The following RBPJ variants were observed in gnomAD, a reference collection of about 807,000 sequenced individuals.
The protein encoded by RBPJ is recombination signal binding protein for immunoglobulin kappa J region, also known as recombining binding protein suppressor of hairless.
RBPJ carries 9 observed loss-of-function variants against 67.8 expected under a neutral mutation model. The ratio of observed to expected loss-of-function variants is 0.13; its 90% CI spans 0.08 to 0.23. The LOEUF is 0.23. RBPJ is among the 10% of genes least tolerant of loss of function. The pLI, the probability that RBPJ is intolerant of heterozygous loss-of-function variation, is 1.00. For missense variants in RBPJ, 305 were observed against 595.6 expected (o/e 0.51, Z 5.08); for synonymous variants, 198 against 203.3 (o/e 0.97, Z 0.22).
intron 1 of RBPJ, among the ~76,000 whole-genome samples, chr4:26,335,745 T>C (rs1461890592): frequency 6.6e-6 from 1 of 150,952 alleles, no homozygotes; most frequent in Non-Finnish European, 1.5e-5. Context: ...CTCAGCCTCC[T>C]GAGTAGCTGG....
At chr4:26,273,154 T>C (rs1720967961) in intron 1 of RBPJ, among the ~76,000 whole-genome samples, 1 of 152,166 alleles carries the variant, frequency 6.6e-6, no homozygotes, top group Non-Finnish European at 1.5e-5. Context: ...CCACTTCCCT[T>C]CCTCTCATTG....
At chr4:26,140,740 G>A in the RBPJ span, among the ~76,000 whole-genome samples, 2 of 149,924 alleles carry the variant, frequency 1.3e-5, no homozygotes, top group Admixed American at 6.8e-5. Context: ...GTTTTGATTA[G>A]TTAGGTCTGG....
At chr4:26,416,911 CTATG>C (rs1187140018) in intron 4 of RBPJ, among the ~76,000 whole-genome samples, 4 of 152,226 alleles carry the variant, frequency 2.6e-5, no homozygotes, top group South Asian at 2.1e-4. Flanking sequence ...GATTTGTTGA[CTATG>C]TATTTTAAAT....
the RBPJ span, among the ~76,000 whole-genome samples, chr4:26,122,137 C>T: frequency 6.6e-6 from 1 of 152,058 alleles, no homozygotes; most frequent in Non-Finnish European, 1.5e-5. Flanking sequence ...CAAGCTCTGG[C>T]CTTCCAGCAG....
intron 3 of RBPJ, among the ~76,000 whole-genome samples, chr4:26,413,159 G>A (rs1346530426): frequency 2.0e-5 from 3 of 152,106 alleles, no homozygotes; most frequent in African/African-American, 4.8e-5. Context: ...TACTCCAGCC[G>A]CTCTGGTCTG....
chr4:26,218,488 C>G (rs924817452), intron 1 of RBPJ, among the ~76,000 whole-genome samples: 5 of 152,096 alleles, frequency 3.3e-5, no homozygotes, highest in African/African-American at 1.2e-4. Flanking sequence ...GTGAACATTC[C>G]TACCAGGACG....
chr4:26,361,700 GTTCT>G (rs1187113095), intron 1 of RBPJ, among the ~76,000 whole-genome samples: 10 of 152,294 alleles, frequency 6.6e-5, no homozygotes, highest in Admixed American at 5.2e-4. Context: ...TAGCTTGAGT[GTTCT>G]TTCTTGTAGC....
At chr4:26,320,608 T>C, upstream of RBPJ, 1 of 908,882 alleles carries the variant, frequency 1.1e-6, no homozygotes, top group East Asian at 2.9e-5. Context: ...ACGCAGCCCA[T>C]TTTCCCAGGA....
intron 1 of RBPJ, among the ~76,000 whole-genome samples, chr4:26,297,115 C>G (rs778524587): frequency 6.6e-6 from 1 of 152,046 alleles, no homozygotes; most frequent in East Asian, 1.9e-4. Flanking sequence ...GGCAACACAG[C>G]GAGCCCCGGT....
chr4:26,412,526 C>A (rs1384914002), intron 3 of RBPJ, among the ~76,000 whole-genome samples: 1 of 152,146 alleles, frequency 6.6e-6, no homozygotes, highest in Non-Finnish European at 1.5e-5. Flanking sequence ...GTCACTGCAC[C>A]CAGCCTGGAG....
intron 1 of RBPJ, among the ~76,000 whole-genome samples, chr4:26,269,228 A>T (rs1720799722): frequency 1.3e-5 from 2 of 149,020 alleles, no homozygotes; most frequent in South Asian, 2.1e-4. Flanking sequence ...TATTTATTTA[A>T]TTTATTTTTT....
intron 5 of RBPJ, among the ~76,000 whole-genome samples, chr4:26,421,811 G>A (rs13109703): frequency 2.0e-5 from 3 of 151,788 alleles, no homozygotes; most frequent in African/African-American, 4.8e-5. Context: ...ATCATTATAC[G>A]TAACAGTTGA....
At chr4:26,140,814 C>A in the RBPJ span, among the ~76,000 whole-genome samples, 3 of 140,662 alleles carry the variant, frequency 2.1e-5, no homozygotes, top group Admixed American at 2.2e-4. Flanking sequence ...CGAGCCCAAT[C>A]TGGGACACTG....
At chr4:26,120,412 T>C in the RBPJ span, among the ~76,000 whole-genome samples, 1 of 152,226 alleles carries the variant, frequency 6.6e-6, no homozygotes, top group Non-Finnish European at 1.5e-5. Context: ...AAGAGCCTTC[T>C]ATAGAACACC....
At chr4:26,207,634 T>G (rs536805690) in intron 1 of RBPJ, among the ~76,000 whole-genome samples, 9 of 152,344 alleles carry the variant, frequency 5.9e-5, no homozygotes. Flanking sequence ...TTTAGGCACT[T>G]GGGGTACATC....
In RBPJ at chr4:26,431,084, T is replaced by C. The variant is rs752802924; in HGVS notation, c.*77T>C. The C allele has an allele frequency of 7.5e-6, 10 of 1,338,564 alleles. No homozygotes were observed. The highest frequency in any genetic ancestry group is 1.5e-5 in the African/African-American group (1 of 67,126). The allele number at this position is 1,338,564 out of a possible 1,614,324, so 82.9% of individuals were successfully genotyped here. On this transcript the variant is annotated 3_prime_UTR_variant, in exon 11 of 11. Transcript: ENST00000355476. ...ACAAAAAAGGAGAAAAAATGAACAA[T>C]CGTTTGTGGTTTCTTGGGAAAACTT...
At chr4:26,251,698 A>C (rs1291548478) in intron 1 of RBPJ, among the ~76,000 whole-genome samples, 1 of 151,738 alleles carries the variant, frequency 6.6e-6, no homozygotes, top group Non-Finnish European at 1.5e-5. Flanking sequence ...AAATACTAAA[A>C]TTAGCCAGAT....
chr4:26,317,943 G>A (rs1722710817), upstream of RBPJ, among the ~76,000 whole-genome samples: 1 of 152,164 alleles, frequency 6.6e-6, no homozygotes, highest in African/African-American at 2.4e-5. Context: ...TCAGTGGTCT[G>A]GACTAGGCCA....
At chr4:26,139,519 C>G in the RBPJ span, among the ~76,000 whole-genome samples, 14 of 152,230 alleles carry the variant, frequency 9.2e-5, no homozygotes. Flanking sequence ...CAGCCTGCAG[C>G]TCAGTGAAGC....
Sources: gnomAD v4.1 joint callset for allele counts (sites outside exome capture counted in the v4.1 genomes callset) on GRCh38, gnomAD v4.1.1 for gene constraint, MANE v1.5 for transcripts, NCBI Gene and HGNC (gene_info 2026-07-23, HGNC 2026-07-21) for gene names.